Variants in CCDC148 observed in about 807,000 individuals in gnomAD.
CCDC148 encodes coiled-coil domain-containing protein 148.
In CCDC148, 89 loss-of-function variants were observed where a neutral mutation model predicts 85.7. The ratio of observed to expected loss-of-function variants is 1.04; its 90% CI spans 0.87 to 1.24. The LOEUF (loss-of-function observed/expected upper bound fraction) is 1.24, where lower values mean the gene tolerates loss of function less well. Among genes scored for constraint, CCDC148 ranks in the 50% most tolerant of loss-of-function variants. CCDC148 has a pLI of 0.00. For synonymous variants in CCDC148, 230 were observed against 213.9 expected (o/e 1.08, Z -0.66); for missense variants, 692 against 671.7 (o/e 1.03, Z -0.33).
At chr2:158,182,472 T>C (rs1684951382) in intron 11 of CCDC148, among the ~76,000 whole-genome samples, 2 of 152,032 alleles carry the variant, frequency 1.3e-5, no homozygotes, top group Admixed American at 1.3e-4. Flanking sequence ...TTGGTGACCT[T>C]GGTGAGAACA....
intron 1 of CCDC148, among the ~76,000 whole-genome samples, chr2:158,378,071 A>G (rs946404545): frequency 6.6e-6 from 1 of 152,156 alleles, no homozygotes; most frequent in African/African-American, 2.4e-5. Flanking sequence ...AGACATGTCA[A>G]AAGCCAAAAT....
At chr2:158,253,399 C>T (rs547469880) in intron 9 of CCDC148, among the ~76,000 whole-genome samples, 10 of 151,748 alleles carry the variant, frequency 6.6e-5, no homozygotes, top group African/African-American at 2.4e-4. Flanking sequence ...CAAAGTACCC[C>T]CTGCTTGAAA....
intron 1 of CCDC148, among the ~76,000 whole-genome samples, chr2:158,389,389 G>A (rs1046210260): frequency 6.6e-6 from 1 of 152,108 alleles, no homozygotes; most frequent in Admixed American, 6.6e-5. Flanking sequence ...ATCAAATGAA[G>A]TTTATGTATG....
At chr2:158,355,761 C>G (rs77956858) in intron 2 of CCDC148, among the ~76,000 whole-genome samples, 51,978 of 124,596 alleles carry the variant, frequency 0.42, 11,341 homozygotes, top group South Asian at 0.63. Context: ...AAAAAGAGCC[C>G]GCATCGCCAA....
chr2:158,265,496 C>T (rs1339930694), intron 9 of CCDC148, among the ~76,000 whole-genome samples: 2 of 150,856 alleles, frequency 1.3e-5, no homozygotes, highest in Non-Finnish European at 3.0e-5. Flanking sequence ...ATACCACTGT[C>T]ATTAGTATAT....
chr2:158,188,668 T>C (rs1021960476), intron 11 of CCDC148, among the ~76,000 whole-genome samples: 1 of 152,028 alleles, frequency 6.6e-6, no homozygotes, highest in African/African-American at 2.4e-5. Context: ...AATACTTTTC[T>C]ATACATTGGC....
intron 9 of CCDC148, among the ~76,000 whole-genome samples, chr2:158,306,086 T>C (rs1691670989): frequency 6.6e-6 from 1 of 152,180 alleles, no homozygotes; most frequent in Non-Finnish European, 1.5e-5. Context: ...AGATCAGTGA[T>C]TGCCAAAGGC....
intron 10 of CCDC148, among the ~76,000 whole-genome samples, chr2:158,237,875 A>C (rs561861667): frequency 1.2e-3 from 180 of 152,280 alleles, no homozygotes; most frequent in African/African-American, 4.1e-3. Context: ...AGATACCAGT[A>C]AGACAGAGGA....
rs185588885 is a variant in CCDC148, at chr2:158,235,903, C to T, written c.1251+14869G>A. The stretch of plus-strand genomic sequence containing the variant: ...TGAAGGACACAACTGGTCAGTACAA[C>T]CCTGCAGGGCAAGGAGCTGCAGAAA... On this transcript the variant is annotated intron_variant, in intron 10 of 13. Transcript: ENST00000283233. 14 of 152,440 alleles carry T rather than the reference C, an allele frequency of 9.2e-5. 1 individual carries two copies. The highest frequency in any genetic ancestry group is 5.9e-4 in the Admixed American group (9 of 15,282). 9.4% of individuals were successfully genotyped at this position (152,440 alleles called of 1,614,324 possible).
At chr2:158,329,918 T>A (rs1457530231) in intron 7 of CCDC148, among the ~76,000 whole-genome samples, 1 of 152,206 alleles carries the variant, frequency 6.6e-6, no homozygotes, top group African/African-American at 2.4e-5. Context: ...GCTGAGACAA[T>A]GGGGTTTTCT....
intron 11 of CCDC148, among the ~76,000 whole-genome samples, chr2:158,201,282 T>C (rs1325880189): frequency 2.0e-5 from 3 of 152,358 alleles, no homozygotes; most frequent in Admixed American, 2.0e-4. Context: ...TGTAAATATT[T>C]CGAAGTCTCA....
chr2:158,236,435 A>C (rs1395803829), intron 10 of CCDC148, among the ~76,000 whole-genome samples: 1 of 152,200 alleles, frequency 6.6e-6, no homozygotes, highest in Non-Finnish European at 1.5e-5. Flanking sequence ...ATCATGTCAT[A>C]TGTTGATATG....
chr2:158,423,943 C>G (rs1017688440), intron 1 of CCDC148, among the ~76,000 whole-genome samples: 1 of 152,088 alleles, frequency 6.6e-6, no homozygotes, highest in East Asian at 1.9e-4. Context: ...AAGACATTTA[C>G]GCAGTCAGCA....
At chr2:158,268,501 G>A (rs1364156980) in intron 9 of CCDC148, among the ~76,000 whole-genome samples, 1 of 152,102 alleles carries the variant, frequency 6.6e-6, no homozygotes, top group Non-Finnish European at 1.5e-5. Context: ...TATACAACAT[G>A]ATGATTCTAT....
chr2:158,326,528 T>C (rs1023243214), intron 7 of CCDC148, among the ~76,000 whole-genome samples: 2 of 152,344 alleles, frequency 1.3e-5, no homozygotes, highest in African/African-American at 4.8e-5. Context: ...ATACGAAGGA[T>C]AAGTCAGTCA....
intron 2 of CCDC148, among the ~76,000 whole-genome samples, chr2:158,354,025 C>A (rs1176776127): frequency 2.0e-5 from 3 of 152,034 alleles, no homozygotes; most frequent in Non-Finnish European, 4.4e-5. Context: ...TTCTTTGAAA[C>A]CAATGAGAAC....
chr2:158,277,526 G>A (rs954739134), intron 9 of CCDC148, among the ~76,000 whole-genome samples: 3 of 152,128 alleles, frequency 2.0e-5, no homozygotes, highest in Non-Finnish European at 4.4e-5. Context: ...CTAAATGCCA[G>A]GAACTACACC....
rs534190712 is a variant in CCDC148 at position 158,266,969 on chromosome 2, CAT to C, written c.1111-16059_1111-16058del. Among the ~76,000 whole-genome samples, 28 of 147,030 alleles carry C rather than the reference CAT, an allele frequency of 1.9e-4. No homozygotes were observed. In the East Asian group the frequency reaches 3.3e-3, roughly 18 times the overall value. On this transcript the variant is annotated intron_variant, in intron 9 of 13. Coordinates refer to ENST00000283233, the MANE Select transcript of CCDC148 (RefSeq NM_138803.4). Reference sequence around the variant, plus strand: ...GTGTGTGTGTATATATATATATACACATATATATATGTTTCTTTAACCACTCC... The same window carrying C: ...GTGTGTGTGTATATATATATATACACATATATATGTTTCTTTAACCACTCC...
At chr2:158,416,730 C>T (rs773602076) in intron 1 of CCDC148, among the ~76,000 whole-genome samples, 6 of 152,176 alleles carry the variant, frequency 3.9e-5, no homozygotes, top group Non-Finnish European at 7.3e-5. Flanking sequence ...GCCCTCTGCA[C>T]TCTTCCAACC....
Sources: allele counts gnomAD v4.1 joint callset (sites outside exome capture counted in the v4.1 genomes callset), GRCh38; gene constraint gnomAD v4.1.1; transcripts MANE v1.5; gene names NCBI Gene and HGNC (gene_info 2026-07-23, HGNC 2026-07-21).